EMC7: variants seen among roughly 807,000 people sequenced by gnomAD.
EMC7 encodes endoplasmic reticulum membrane protein complex subunit 7.
Under a neutral mutation model 24.4 loss-of-function variants are expected in EMC7, and 4 were observed. The observed-to-expected ratio is 0.16, with a 90% CI of 0.08 to 0.38. The LOEUF (loss-of-function observed/expected upper bound fraction) is 0.38. Among genes scored for constraint, EMC7 ranks in the 10% least tolerant of loss-of-function variants. The probability of loss-of-function intolerance (pLI) is 1.00; values close to 1 mark genes in which losing one functional copy is unlikely to be tolerated. For missense variants in EMC7, 221 were observed against 300.6 expected (o/e 0.74, Z 1.96); for synonymous variants, 106 against 112.0 (o/e 0.95, Z 0.34).
At chr15:34,096,880 G>A (rs1391683212) in intron 1 of EMC7, among the ~76,000 whole-genome samples, 2 of 151,376 alleles carry the variant, frequency 1.3e-5, no homozygotes, top group East Asian at 2.0e-4. Context: ...CCAGCTACTC[G>A]GGAGACTGAG....
At chr15:34,096,570 G>A (rs1187299581) in intron 1 of EMC7, among the ~76,000 whole-genome samples, 1 of 152,110 alleles carries the variant, frequency 6.6e-6, no homozygotes, top group Non-Finnish European at 1.5e-5. Flanking sequence ...TTCCTTCTAT[G>A]GGTAGAGATG....
At chr15:34,096,873 G>C (rs146669898) in intron 1 of EMC7, among the ~76,000 whole-genome samples, 1 of 151,566 alleles carries the variant, frequency 6.6e-6, no homozygotes, top group African/African-American at 2.4e-5. Context: ...TGTAATCCCA[G>C]CTACTCGGGA....
intron 1 of EMC7, among the ~76,000 whole-genome samples, chr15:34,098,842 T>A (rs1901129763): frequency 6.6e-6 from 1 of 152,024 alleles, no homozygotes; most frequent in Non-Finnish European, 1.5e-5. Context: ...ACACAAATAA[T>A]ATCAGAAATA....
chr15:34,101,689 C>A lies in EMC7; in HGVS notation c.151G>T (p.Ala51Ser), dbSNP rs1412090523. The A allele has an allele frequency of 6.2e-7, 1 of 1,613,742 alleles. No homozygotes were observed. The highest frequency in any genetic ancestry group is 8.5e-7 in the Non-Finnish European group (1 of 1,179,990). Reference sequence around the variant, plus strand: ...TGAGGCTTCACCCCTGGAACAACTGCACGCCCCTCAATCTTGAAGCGATCT... The same window carrying A: ...TGAGGCTTCACCCCTGGAACAACTGAACGCCCCTCAATCTTGAAGCGATCT... Reference protein sequence around the residue: ...IGDRFKIEGRAVVPGVKPQDW... With the variant: ...IGDRFKIEGRSVVPGVKPQDW... Residue 51 changes from alanine (A) to serine (S), a missense_variant, in exon 1 of 5, where the codon GCA becomes TCA. By Grantham distance (99) the Ala-to-Ser change is moderately conservative. Transcript: ENST00000256545.
chr15:34,094,498 G>A (rs746668073), intron 2 of EMC7, among the ~76,000 whole-genome samples: 3 of 152,036 alleles, frequency 2.0e-5, no homozygotes, highest in Non-Finnish European at 4.4e-5. Context: ...TCACACCACT[G>A]CATTCTAGCC....
At chr15:34,085,133 TAC>T (rs1217848967) in intron 4 of EMC7, among the ~76,000 whole-genome samples, 1 of 152,192 alleles carries the variant, frequency 6.6e-6, no homozygotes, top group Non-Finnish European at 1.5e-5. Context: ...AAGGTATCAG[TAC>T]AGTTTGGAAA....
Position 34,101,768 on chromosome 15 carries a change from C to G in EMC7, c.72G>C (p.Ser24=). 1 of 1,613,674 alleles carries G rather than the reference C, an allele frequency of 6.2e-7. No individual in the cohort carries two copies. Reference sequence around the variant, plus strand: ...CCTCAGCAGCAGCCCCGGGCACCTCCGAGCTCTGGACATCCCCCGATAGCA... The same window carrying G: ...CCTCAGCAGCAGCCCCGGGCACCTCGGAGCTCTGGACATCCCCCGATAGCA... ...LLLLSGDVQS[S]EVPGAAAEGS... The change falls in exon 1 of 5, where the codon TCG becomes TCC. Residue 24 remains serine (S), a synonymous_variant. Coordinates refer to ENST00000256545, the MANE Select transcript of EMC7 (RefSeq NM_020154.3).
chr15:34,092,260 G>A (rs933984796), intron 2 of EMC7, among the ~76,000 whole-genome samples: 2 of 6,852 alleles, frequency 2.9e-4, no homozygotes, highest in Non-Finnish European at 8.1e-4. Flanking sequence ...GTGAGACTCC[G>A]TCACACACAC....
intron 2 of EMC7, among the ~76,000 whole-genome samples, chr15:34,095,028 C>T (rs1290843754): frequency 2.0e-5 from 3 of 152,212 alleles, no homozygotes; most frequent in African/African-American, 7.2e-5. Flanking sequence ...TGTGTCAGCT[C>T]AATTTTGAGT....
At chr15:34,097,357 A>G (rs2339373) in intron 1 of EMC7, among the ~76,000 whole-genome samples, 100,746 of 152,028 alleles carry the variant, frequency 0.66, 34,146 homozygotes, top group South Asian at 0.78. Context: ...TTTAACAAAT[A>G]ATAAAAGGTA....
chr15:34,086,105 T>C (rs1405263295), intron 4 of EMC7: 2 of 357,268 alleles, frequency 5.6e-6, no homozygotes, highest in South Asian at 2.5e-5. Flanking sequence ...AGCCACTGGG[T>C]AGTAAGTACT....
At chr15:34,098,258 T>C (rs890094567) in intron 1 of EMC7, among the ~76,000 whole-genome samples, 1 of 152,204 alleles carries the variant, frequency 6.6e-6, no homozygotes, top group South Asian at 2.1e-4. Flanking sequence ...CAGTAACCTC[T>C]ACTCTCCTCT....
intron 3 of EMC7, among the ~76,000 whole-genome samples, chr15:34,089,145 C>T (rs181169206): frequency 7.4e-4 from 112 of 152,296 alleles, no homozygotes; most frequent in African/African-American, 1.8e-3. Context: ...CGTGAGCCAC[C>T]GCGCCTGGCC....
chr15:34,097,416 G>C (rs1901093831), intron 1 of EMC7, among the ~76,000 whole-genome samples: 1 of 151,994 alleles, frequency 6.6e-6, no homozygotes, highest in Admixed American at 6.6e-5. Context: ...CATTTACTTT[G>C]GTTACTAGAA....
chr15:34,094,289 C>G (rs2140870679), intron 2 of EMC7, among the ~76,000 whole-genome samples: 3 of 151,980 alleles, frequency 2.0e-5, no homozygotes, highest in Middle Eastern at 6.8e-3. Flanking sequence ...CACCTGTAAT[C>G]CCAGGACTTT....
chr15:34,091,989 G>A (rs929591655), intron 2 of EMC7, among the ~76,000 whole-genome samples: 1 of 152,096 alleles, frequency 6.6e-6, no homozygotes, highest in African/African-American at 2.4e-5. Flanking sequence ...GTCAAGGCTG[G>A]GCACAGTGGC....
intron 1 of EMC7, among the ~76,000 whole-genome samples, chr15:34,097,039 C>CTTTTTTTTTTTTTTTTTTTTTTTT (rs553769836): frequency 3.1e-5 from 3 of 97,622 alleles, no homozygotes; most frequent in Admixed American, 1.4e-4. Flanking sequence ...TGTTCTTCTT[C>CTTTTTTTTTTTTTTTTTTTTTTTT]TTTTTTTTTT....
intron 3 of EMC7, among the ~76,000 whole-genome samples, chr15:34,089,012 A>G (rs1219198146): frequency 6.6e-6 from 1 of 151,934 alleles, no homozygotes; most frequent in Non-Finnish European, 1.5e-5. Context: ...CCCCGCCACC[A>G]CACCCAGCTA....
At chr15:34,084,608 T>G in intron 4 of EMC7, 122 bp from the exon 5 acceptor site, 1 of 1,011,718 alleles carries the variant, frequency 9.9e-7, no homozygotes, top group East Asian at 2.5e-5. Context: ...TGAGCAATGA[T>G]GCAACATCAT....
Sources: gnomAD v4.1 joint callset for allele counts (sites outside exome capture counted in the v4.1 genomes callset) on GRCh38, gnomAD v4.1.1 for gene constraint, MANE v1.5 for transcripts, NCBI Gene and HGNC (gene_info 2026-07-23, HGNC 2026-07-21) for gene names.